ADGB: variants seen among roughly 807,000 people sequenced by gnomAD.
ADGB encodes the protein androglobin.
Under a neutral mutation model 210.5 loss-of-function variants are expected in ADGB, and 172 were observed. That is an observed-to-expected ratio of 0.82 (90% confidence interval 0.72 to 0.93). ADGB has a LOEUF of 0.93. Among genes scored for constraint, ADGB ranks in the 40% least tolerant of loss-of-function variants. ADGB has a pLI of 0.00. For missense variants in ADGB, 2,025 were observed against 1,964.8 expected, an observed-to-expected ratio of 1.03 and a Z score of -0.58; for synonymous variants, 658 against 662.7, an observed-to-expected ratio of 0.99 and a Z score of 0.11.
chr6:146,602,411 A>G (rs545564582), intron 1 of ADGB, among the ~76,000 whole-genome samples: 7 of 152,356 alleles, frequency 4.6e-5, no homozygotes, highest in Non-Finnish European at 7.3e-5. Flanking sequence ...GTTTAAAACC[A>G]TGGTTTAACT....
At position 146,745,930 on chromosome 6, in the gene ADGB, C is replaced by T. The variant is rs974635971; in HGVS notation, c.3186C>T (p.Tyr1062=). The change falls in exon 26 of 36, where the codon TAC becomes TAT. Residue 1062 remains tyrosine (Y), a synonymous_variant. Coordinates refer to ENST00000397944, the MANE Select transcript of ADGB (RefSeq NM_024694.4). ...ATTTGTCTTTCTTATAGAAGGGATA[C>T]ACTTTTGTGGCGGAAGCATTTACAG... ...PYLYTKNKKG[Y]TFVAEAFTGD... is the part of the protein sequence containing the mutation. The T allele has an allele frequency of 7.8e-6, 12 of 1,543,800 alleles. No individual in the cohort carries two copies. Among genetic ancestry groups the T allele is most frequent in the African/African-American group, 1.4e-5 (1 of 72,746 alleles).
At chr6:146,760,187 G>C (rs916042292) in intron 27 of ADGB, among the ~76,000 whole-genome samples, 2 of 151,710 alleles carry the variant, frequency 1.3e-5, no homozygotes, top group African/African-American at 4.8e-5. Context: ...ACATACTTTA[G>C]TATGACCCAC....
At chr6:146,622,339 G>T (rs1228904319) in intron 1 of ADGB, among the ~76,000 whole-genome samples, 1 of 152,054 alleles carries the variant, frequency 6.6e-6, no homozygotes, top group Non-Finnish European at 1.5e-5. Context: ...GCTGGGCTGG[G>T]TTCTTACCTG....
At chr6:146,810,577 G>T (rs1195127216) in intron 35 of ADGB, among the ~76,000 whole-genome samples, 3 of 94,474 alleles carry the variant, frequency 3.2e-5, no homozygotes, top group East Asian at 7.6e-4. Flanking sequence ...AATGAATAAA[G>T]AAAATGTGGT....
At chr6:146,631,054 C>T (rs978107303) in intron 1 of ADGB, among the ~76,000 whole-genome samples, 1 of 152,036 alleles carries the variant, frequency 6.6e-6, no homozygotes, top group Admixed American at 6.6e-5. Flanking sequence ...GCAAAAGTCA[C>T]AACAAGCAAG....
At chr6:146,679,420 A>G (rs561448791) in intron 9 of ADGB, among the ~76,000 whole-genome samples, 53 of 152,302 alleles carry the variant, frequency 3.5e-4, no homozygotes, top group African/African-American at 1.2e-3. Context: ...ATCCATTCAC[A>G]TCTCTCATCT....
chr6:146,717,705 T>C (rs1441596500), intron 16 of ADGB, 106 bp downstream of exon 16: 1 of 554,216 alleles, frequency 1.8e-6, no homozygotes, highest in Non-Finnish European at 3.0e-6. Flanking sequence ...TGTAACATAG[T>C]TATATTTTTA....
chr6:146,767,575 T>C (rs1777594915), intron 28 of ADGB, among the ~76,000 whole-genome samples: 2 of 152,138 alleles, frequency 1.3e-5, no homozygotes, highest in South Asian at 4.1e-4. Context: ...TTCAAGTGAT[T>C]CTCTCGTCTC....
intron 16 of ADGB, among the ~76,000 whole-genome samples, chr6:146,718,678 C>T (rs1395664103): frequency 1.3e-5 from 2 of 152,162 alleles, no homozygotes; most frequent in African/African-American, 2.4e-5. Context: ...TAGGACAAGG[C>T]CACCCAAGCC....
chr6:146,735,134 T>C lies in ADGB; in HGVS notation c.2794+1104T>C, dbSNP rs573619590. ...TACACAATGGTTTAAAAACCCTAAA[T>C]TACATAGTTTAATGATAGTTGTCTA... On this transcript the variant is annotated intron_variant, in intron 22 of 35. Transcript: ENST00000397944. 1.1e-3 allele frequency among the ~76,000 whole-genome samples: 169 copies of C among 152,228 alleles called. 1 individual carries two copies. The highest frequency in any genetic ancestry group is 3.9e-3 in the African/African-American group (163 of 41,526).
intron 29 of ADGB, among the ~76,000 whole-genome samples, chr6:146,773,971 T>C (rs1341175628): frequency 2.0e-5 from 3 of 152,206 alleles, no homozygotes; most frequent in African/African-American, 4.8e-5. Context: ...TTTAAGAAAC[T>C]TGCTCTCAGT....
chr6:146,769,738 G>C (rs1325058575), intron 29 of ADGB, among the ~76,000 whole-genome samples: 2 of 152,094 alleles, frequency 1.3e-5, no homozygotes, highest in Non-Finnish European at 2.9e-5. Context: ...ATTTAAGCTA[G>C]ATTGCCTAAT....
intron 35 of ADGB, among the ~76,000 whole-genome samples, chr6:146,811,648 C>T (rs928008329): frequency 2.0e-5 from 3 of 151,868 alleles, no homozygotes; most frequent in Non-Finnish European, 4.4e-5. Context: ...CTTTCTTCTT[C>T]TTTACTTTTC....
At chr6:146,702,044 GAA>G in intron 13 of ADGB, among the ~76,000 whole-genome samples, 1 of 149,628 alleles carries the variant, frequency 6.7e-6, no homozygotes, top group African/African-American at 2.4e-5. Context: ...ATTTGTAATT[GAA>G]AAAAAAATGC....
chr6:146,656,897 A>G lies in ADGB; in HGVS notation c.529A>G (p.Ile177Val), dbSNP rs1365862262. 5.2e-6 allele frequency: 8 copies of G among 1,551,532 alleles called. No homozygotes were observed. The East Asian group carries it at 9.8e-5, about 19-fold the overall frequency. ...PLLPWKPWEHIYSLCKAVKGH... is the reference protein window; with the variant it reads ...PLLPWKPWEHVYSLCKAVKGH... ...TCTCCCCTGGAAGCCCTGGGAACAC[A>G]TATACTCTCTGTGCAAGGCTGTGAA... Residue 177 changes from isoleucine to valine, a missense_variant, in exon 5 of 36, where the codon ATA becomes GTA. Coordinates refer to ENST00000397944, the MANE Select transcript of ADGB (RefSeq NM_024694.4).
At chr6:146,673,062 T>C (rs936818122) in intron 8 of ADGB, among the ~76,000 whole-genome samples, 1 of 152,182 alleles carries the variant, frequency 6.6e-6, no homozygotes, top group Admixed American at 6.5e-5. Flanking sequence ...CTTATCTATG[T>C]AAAACCCAAG....
chr6:146,612,759 G>A (rs1583558845), intron 1 of ADGB, among the ~76,000 whole-genome samples: 1 of 152,118 alleles, frequency 6.6e-6, no homozygotes, highest in East Asian at 1.9e-4. Flanking sequence ...AATGAAAGAA[G>A]GGAGACAGGG....
intron 20 of ADGB, among the ~76,000 whole-genome samples, chr6:146,731,431 C>T (rs1413814161): frequency 6.6e-6 from 1 of 151,524 alleles, no homozygotes; most frequent in Non-Finnish European, 1.5e-5. Flanking sequence ...ACACCTGTCT[C>T]CTCTACCACC....
At position 146,654,173 on chromosome 6, in the gene ADGB, AT is replaced by A. The variant is rs1562265788; in HGVS notation, c.373del (p.Ser125GlnfsTer11). The A allele has an allele frequency of 6.5e-7, 1 of 1,544,592 alleles. No homozygotes were observed. Among genetic ancestry groups the A allele is most frequent in the Middle Eastern group, 1.7e-4 (1 of 5,954 alleles). On this transcript the variant is annotated frameshift_variant, in exon 4 of 36. Transcript: ENST00000397944. LOFTEE classifies it high-confidence loss of function. ...VVKNEITFDLFSANEHLLCSE... is the reference protein window; with the variant it reads ...VVKNEITFDLXSANEHLLCSE... ...TGAAAAATGAAATCACGTTTGACTT[AT>A]TTTCAGCAAATGAACATTTACTCTG...
Sources: allele counts gnomAD v4.1 joint callset (sites outside exome capture counted in the v4.1 genomes callset), GRCh38; gene constraint gnomAD v4.1.1; transcripts MANE v1.5; gene names NCBI Gene and HGNC (gene_info 2026-07-23, HGNC 2026-07-21).